Variants in CACNB2 observed in about 807,000 individuals in gnomAD.
The protein encoded by CACNB2 is calcium voltage-gated channel auxiliary subunit beta 2.
CACNB2 carries 42 observed loss-of-function variants against 73.3 expected under a neutral mutation model. That is an observed-to-expected ratio of 0.57 (90% confidence interval 0.45 to 0.74). The LOEUF (loss-of-function observed/expected upper bound fraction) is 0.74. Ranked by LOEUF, CACNB2 falls within the 30% of genes least tolerant of loss-of-function variation. The pLI, the probability that CACNB2 is intolerant of heterozygous loss-of-function variation, is 0.00. For synonymous variants in CACNB2, 348 were observed against 310.3 expected, an observed-to-expected ratio of 1.12 and a Z score of -1.28; for missense variants, 940 against 853.0, an observed-to-expected ratio of 1.10 and a Z score of -1.27.
intron 2 of CACNB2, among the ~76,000 whole-genome samples, chr10:18,246,995 C>T (rs575338566): frequency 1.3e-5 from 2 of 152,290 alleles, no homozygotes; most frequent in South Asian, 4.1e-4. Context: ...AACCTCATTT[C>T]CACCTGCTGA....
intron 2 of CACNB2, among the ~76,000 whole-genome samples, chr10:18,171,785 C>T (rs760744314): frequency 4.6e-5 from 7 of 151,752 alleles, no homozygotes; most frequent in Non-Finnish European, 1.0e-4. Flanking sequence ...AATTGTTACC[C>T]GGAGAAGTCA....
rs1170620312 is a variant in CACNB2, at chr10:18,527,585, C to T, written c.945-3C>T. On this transcript the variant is annotated splice_polypyrimidine_tract_variant and splice_region_variant and intron_variant, in intron 9 of 13. Coordinates refer to ENST00000324631, the MANE Select transcript of CACNB2 (RefSeq NM_201596.3). ...GGTCTTCTGTGACTTTTTCCTCCAA[C>T]AGGATATCCATCACAAGGGTCACCG... is the stretch of plus-strand genomic sequence containing the variant. 1 of 1,607,300 alleles carries T rather than the reference C, an allele frequency of 6.2e-7. No homozygotes were observed. The highest frequency in any genetic ancestry group is 1.7e-5 in the Admixed American group (1 of 60,012).
chr10:18,280,424 G>C (rs962319638), intron 2 of CACNB2, among the ~76,000 whole-genome samples: 1 of 152,122 alleles, frequency 6.6e-6, no homozygotes, highest in East Asian at 1.9e-4. Flanking sequence ...ATTTGAACAC[G>C]TTGAGCCTGG....
intron 3 of CACNB2, among the ~76,000 whole-genome samples, chr10:18,445,353 C>T (rs1234728613): frequency 6.6e-6 from 1 of 152,130 alleles, no homozygotes; most frequent in East Asian, 1.9e-4. Context: ...AATTGCAGTA[C>T]TTAGTATTAA....
chr10:18,244,035 C>T (rs2036766648), intron 2 of CACNB2, among the ~76,000 whole-genome samples: 1 of 152,156 alleles, frequency 6.6e-6, no homozygotes, highest in Admixed American at 6.5e-5. Flanking sequence ...TGTAGTGCTG[C>T]ATTGCTGGGG....
At chr10:18,369,673 C>T (rs1420773793) in intron 2 of CACNB2, among the ~76,000 whole-genome samples, 1 of 152,022 alleles carries the variant, frequency 6.6e-6, no homozygotes, top group East Asian at 1.9e-4. Context: ...TTGGGAGGCC[C>T]AGGCAGGCAG....
chr10:18,471,571 G>C (rs553033607), intron 3 of CACNB2, among the ~76,000 whole-genome samples: 5 of 151,988 alleles, frequency 3.3e-5, no homozygotes, highest in Non-Finnish European at 7.4e-5. Flanking sequence ...TTTTTTTCCT[G>C]TGTCCTCTGG....
chr10:18,310,344 G>A (rs966974054), intron 2 of CACNB2, among the ~76,000 whole-genome samples: 2 of 151,822 alleles, frequency 1.3e-5, no homozygotes, highest in Non-Finnish European at 2.9e-5. Flanking sequence ...GGTGGCTCAC[G>A]CCCGTAATCC....
intron 2 of CACNB2, among the ~76,000 whole-genome samples, chr10:18,158,371 T>C (rs2032209599): frequency 6.6e-6 from 1 of 152,230 alleles, no homozygotes; most frequent in Admixed American, 6.5e-5. Flanking sequence ...GGCACTGTTA[T>C]TAGAATGAAT....
chr10:18,149,242 A>C (rs1238287669), intron 1 of CACNB2, among the ~76,000 whole-genome samples: 1 of 152,156 alleles, frequency 6.6e-6, no homozygotes, highest in Non-Finnish European at 1.5e-5. Context: ...GGCCTTAGAA[A>C]ATGCATCTGT....
chr10:18,480,410 G>A (rs547039988), intron 3 of CACNB2, among the ~76,000 whole-genome samples: 6 of 152,236 alleles, frequency 3.9e-5, no homozygotes, highest in South Asian at 2.1e-4. Context: ...GGTAAGTACC[G>A]TCATACACAG....
chr10:18,471,376 C>A (rs1440920007), intron 3 of CACNB2, among the ~76,000 whole-genome samples: 2 of 152,100 alleles, frequency 1.3e-5, no homozygotes, highest in Non-Finnish European at 2.9e-5. Flanking sequence ...TTCTGGAAGA[C>A]CTTAAAATTA....
intron 2 of CACNB2, among the ~76,000 whole-genome samples, chr10:18,294,984 G>T (rs537143308): frequency 6.6e-6 from 1 of 152,194 alleles, no homozygotes; most frequent in African/African-American, 2.4e-5. Flanking sequence ...CACTGCAGAC[G>T]CCCATCTCAT....
rs138463596 is a variant in CACNB2, at chr10:18,242,337, G to C, written c.213+91362G>C. Among the ~76,000 whole-genome samples the C allele has an allele frequency of 1.3e-3, 195 of 152,204 alleles. 5 individuals carry two copies. In the East Asian group the frequency reaches 0.029, roughly 22 times the overall value. On this transcript the variant is annotated intron_variant, in intron 2 of 13. Coordinates refer to ENST00000324631, the MANE Select transcript of CACNB2 (RefSeq NM_201596.3). ...ACACCTTGTGTCAAAACCAATTAGA[G>C]AGTTAAATGGAATATACTTGAGTAG...
At chr10:18,468,727 G>A (rs1288724305) in intron 3 of CACNB2, among the ~76,000 whole-genome samples, 1 of 152,046 alleles carries the variant, frequency 6.6e-6, no homozygotes, top group East Asian at 1.9e-4. Context: ...AGCCTGTGGA[G>A]TAGCTGGGAT....
At chr10:18,145,540 C>T (rs766896568) in intron 1 of CACNB2, among the ~76,000 whole-genome samples, 22 of 152,028 alleles carry the variant, frequency 1.4e-4, no homozygotes, top group African/African-American at 5.1e-4. Flanking sequence ...ATATCATGCT[C>T]ATTTTATTTT....
intron 2 of CACNB2, among the ~76,000 whole-genome samples, chr10:18,152,726 AAAAAAACAAAAAAC>A (rs1173594143): frequency 5.9e-5 from 7 of 119,028 alleles, no homozygotes; most frequent in South Asian, 2.5e-4. Flanking sequence ...AAAAAAAAAA[AAAAAAACAAAAAAC>A]AAAACACTAG....
intron 2 of CACNB2, among the ~76,000 whole-genome samples, chr10:18,252,039 G>A (rs1003304620): frequency 6.6e-6 from 1 of 152,214 alleles, no homozygotes; most frequent in Non-Finnish European, 1.5e-5. Flanking sequence ...CTGGGTGCCT[G>A]TATCAGTAAA....
chr10:18,530,251 CAT>C (rs1467261911), intron 10 of CACNB2, among the ~76,000 whole-genome samples: 2 of 152,146 alleles, frequency 1.3e-5, no homozygotes. Context: ...GGCATTCATT[CAT>C]TTAGCAAATA....
Sources: allele counts gnomAD v4.1 joint callset (sites outside exome capture counted in the v4.1 genomes callset), GRCh38; gene constraint gnomAD v4.1.1; transcripts MANE v1.5; gene names NCBI Gene and HGNC (gene_info 2026-07-23, HGNC 2026-07-21).